Variants in ARID1A observed in about 807,000 individuals in gnomAD.
ARID1A encodes the protein AT-rich interactive domain-containing protein 1A.
Under a neutral mutation model 212.6 loss-of-function variants are expected in ARID1A, and 20 were observed. That is an observed-to-expected ratio of 0.09 (90% CI 0.07 to 0.14). The LOEUF (loss-of-function observed/expected upper bound fraction) is 0.14, where lower values mean the gene tolerates loss of function less well. ARID1A is among the 10% of genes least tolerant of loss of function. ARID1A has a pLI of 1.00. For missense variants in ARID1A, 2,587 were observed against 3,059.0 expected, an observed-to-expected ratio of 0.85 and a Z score of 3.64; for synonymous variants, 1,376 against 1,222.1, an observed-to-expected ratio of 1.13 and a Z score of -2.63.
In ARID1A at chr1:26,780,360, C is replaced by T; in HGVS notation, c.6462C>T (p.Phe2154=). 6.2e-7 allele frequency: 1 copy of T among 1,614,270 alleles called. No homozygotes were observed. The highest frequency in any genetic ancestry group is 8.5e-7 in the Non-Finnish European group (1 of 1,180,042). Residue 2154 remains phenylalanine, a synonymous_variant, in exon 20 of 20, where the codon TTC becomes TTT. Coordinates refer to ENST00000324856, the MANE Select transcript of ARID1A (RefSeq NM_006015.6). The surrounding 1 kb of genome is among the most constrained non-coding windows in gnomAD (Gnocchi z 7.2). ...LEKLYSTMVR[F]LSDRKNPVCR... Reference sequence around the variant, plus strand: ...AGTTGTATAGCACTATGGTGCGCTTCCTCAGTGACCGAAAGAACCCGGTGT... The same window carrying T: ...AGTTGTATAGCACTATGGTGCGCTTTCTCAGTGACCGAAAGAACCCGGTGT...
chr1:26,766,227 A>G lies in ARID1A; in HGVS notation c.2739A>G (p.Pro913=), dbSNP rs1339039489. 6.2e-7 allele frequency: 1 copy of G among 1,612,192 alleles called. No homozygotes were observed. The highest frequency in any genetic ancestry group is 1.3e-5 in the African/African-American group (1 of 74,830). The change falls in exon 9 of 20, where the codon CCA becomes CCG. Residue 913 remains proline (P), a synonymous_variant. Coordinates refer to ENST00000324856, the MANE Select transcript of ARID1A (RefSeq NM_006015.6). ...TTTCCATCTTCTTCCTTAGGCCGCC[A>G]GGCTACCCCAATATGAATCAAGGGG... ...VAANSIQNRP[P]GYPNMNQGGM...
intron 1 of ARID1A, chr1:26,729,329 G>A: frequency 2.7e-6 from 1 of 363,968 alleles, no homozygotes; most frequent in Non-Finnish European, 5.2e-6. Context: ...GTGCATAGCA[G>A]CACCGTCCTC....
chr1:26,748,879 T>A (rs1430156977), intron 4 of ARID1A, among the ~76,000 whole-genome samples: 1 of 151,876 alleles, frequency 6.6e-6, no homozygotes, highest in Non-Finnish European at 1.5e-5. Flanking sequence ...TTTGGAAAAC[T>A]CTCGGCCAGG....
chr1:26,720,956 A>G (rs2080558885), intron 1 of ARID1A, among the ~76,000 whole-genome samples: 1 of 151,886 alleles, frequency 6.6e-6, no homozygotes, highest in East Asian at 1.9e-4. Context: ...TGGATTGAGT[A>G]GCTGAGGAGG....
chr1:26,757,874 G>A (rs576345587), intron 4 of ARID1A, among the ~76,000 whole-genome samples: 6 of 152,016 alleles, frequency 3.9e-5, no homozygotes, highest in South Asian at 2.1e-4. Flanking sequence ...TCCTGACCTC[G>A]TAATCCGCCT....
intron 4 of ARID1A, among the ~76,000 whole-genome samples, chr1:26,755,147 T>TC (rs1176692708): frequency 2.6e-5 from 4 of 152,182 alleles, no homozygotes; most frequent in Admixed American, 2.6e-4. Context: ...ATGGTAGTAG[T>TC]ATCTATAACC....
At position 26,696,299 on chromosome 1, in the gene ARID1A, C is replaced by G. The variant is rs1278009869; in HGVS notation, c.-105C>G. ...CGGAGCCCCGCGAGGCCCGCCCGGG[C>G]GGGTGGGGAGGGCAGCCCGGGGGAC... On this transcript the variant is annotated 5_prime_UTR_variant, in exon 1 of 20. Transcript: ENST00000324856. The G allele has an allele frequency of 1.9e-6, 2 of 1,029,032 alleles. No homozygotes were observed. Among genetic ancestry groups the G allele is most frequent in the African/African-American group, 6.5e-5 (2 of 30,906 alleles). 63.7% of individuals were successfully genotyped at this position (1,029,032 alleles called of 1,614,324 possible).
At chr1:26,708,112 C>T (rs1035283090) in intron 1 of ARID1A, among the ~76,000 whole-genome samples, 5 of 151,836 alleles carry the variant, frequency 3.3e-5, no homozygotes, top group African/African-American at 7.3e-5. Context: ...TTTGGATTTC[C>T]GATGAATGGC....
intron 1 of ARID1A, among the ~76,000 whole-genome samples, chr1:26,721,661 AATG>A (rs1320563753): frequency 6.6e-6 from 1 of 152,204 alleles, no homozygotes; most frequent in Admixed American, 6.5e-5. Context: ...TTTCTCTGGA[AATG>A]ATGATAGCCA....
rs2081009390 is a variant in ARID1A at position 26,763,264 on chromosome 1, C to T, written c.2711C>T (p.Ala904Val). 1 of 1,607,920 alleles carries T rather than the reference C, an allele frequency of 6.2e-7. No homozygotes were observed. The highest frequency in any genetic ancestry group is 1.1e-5 in the South Asian group (1 of 90,588). Reference sequence around the variant, plus strand: ...GAAACTGCTGTCGCCATGCATGTTGCTGCCAACTCTATCCAAAACAGGTAA... The same window carrying T: ...GAAACTGCTGTCGCCATGCATGTTGTTGCCAACTCTATCCAAAACAGGTAA... The part of the protein sequence containing the change: ...TQETAVAMHV[A>V]ANSIQNRPPG... The change falls in exon 8 of 20, where the codon GCT becomes GTT. Residue 904 changes from alanine to valine, a missense_variant. By Grantham distance (64) the Ala-to-Val change is moderately conservative. Around this residue, in one of 11 missense-constraint regions of ARID1A, gnomAD observed 674 missense variants for 813.4 expected, o/e 0.83. Coordinates refer to ENST00000324856, the MANE Select transcript of ARID1A (RefSeq NM_006015.6).
chr1:26,726,850 C>T (rs1004249582), intron 1 of ARID1A, among the ~76,000 whole-genome samples: 1 of 152,216 alleles, frequency 6.6e-6, no homozygotes, highest in Non-Finnish European at 1.5e-5. Context: ...AGGATGCTAA[C>T]TGGATTTACA....
At chr1:26,761,328 G>C (rs777315690) in intron 5 of ARID1A, 56 bp from the exon 6 acceptor site, 43 of 1,598,408 alleles carry the variant, frequency 2.7e-5, no homozygotes, top group Non-Finnish European at 3.5e-5. Context: ...TAACTTCCTA[G>C]TTAGAATTCC....
At chr1:26,768,870 C>T (rs1157126589) in intron 11 of ARID1A, among the ~76,000 whole-genome samples, 1 of 152,132 alleles carries the variant, frequency 6.6e-6, no homozygotes, top group Admixed American at 6.5e-5. Flanking sequence ...TGTGGCTGAG[C>T]TCGGGGAGGT....
At position 26,780,781 on chromosome 1, in the gene ARID1A, C is replaced by CGT. The variant is rs1553153821; in HGVS notation, c.*35_*36dup. 11 of 1,539,860 alleles carry CGT rather than the reference C, an allele frequency of 7.1e-6. No individual in the cohort carries two copies. The Middle Eastern group carries it at 5.2e-4, about 73-fold the overall frequency. On this transcript the variant is annotated 3_prime_UTR_variant, in exon 20 of 20. Coordinates refer to ENST00000324856, the MANE Select transcript of ARID1A (RefSeq NM_006015.6). This position sits in a 1 kb window ranked among gnomAD's most constrained non-coding sequence, Gnocchi z 7.2. ...ACAGCCGTGGGACACCTCCCCCCCC[C>CGT]GTGTGTGTGTGCGTGTGTGGAGAAC...
chr1:26,707,059 T>TG (rs1344035918), intron 1 of ARID1A, among the ~76,000 whole-genome samples: 1 of 151,912 alleles, frequency 6.6e-6, no homozygotes, highest in Non-Finnish European at 1.5e-5. Context: ...GACGGAGTCT[T>TG]GCTCTGTCAC....
At position 26,767,805 on chromosome 1, in the gene ARID1A, A is replaced by G. The variant is rs2124085994; in HGVS notation, c.3004A>G (p.Thr1002Ala). Residue 1002 changes from threonine (T) to alanine (A), a missense_variant, in exon 11 of 20, where the codon ACT becomes GCT. Transcript: ENST00000324856. ...ESKSKKSSSSTTTNEKITKLY... is the reference protein window; with the variant it reads ...ESKSKKSSSSATTNEKITKLY... Reference sequence around the variant, plus strand: ...AACCTTCCAGAAATCCAGTTCTTCTACTACAACCAATGAGAAGATCACCAA... The same window carrying G: ...AACCTTCCAGAAATCCAGTTCTTCTGCTACAACCAATGAGAAGATCACCAA... The G allele has an allele frequency of 1.2e-6, 2 of 1,613,638 alleles. No individual in the cohort carries two copies. The highest frequency in any genetic ancestry group is 1.7e-6 in the Non-Finnish European group (2 of 1,179,718).
At chr1:26,757,081 A>G (rs1313117357) in intron 4 of ARID1A, among the ~76,000 whole-genome samples, 1 of 151,930 alleles carries the variant, frequency 6.6e-6, no homozygotes, top group Non-Finnish European at 1.5e-5. Context: ...AAAACAAAAC[A>G]TTTAATTTTT....
chr1:26,766,601 T>C (rs2081041804), intron 10 of ARID1A, 35 bp downstream of exon 10: 1 of 1,553,578 alleles, frequency 6.4e-7, no homozygotes, highest in African/African-American at 1.4e-5. Flanking sequence ...TTCAACTTTG[T>C]GTCCTATCTT....
intron 4 of ARID1A, among the ~76,000 whole-genome samples, chr1:26,758,260 G>A (rs992723648): frequency 4.6e-5 from 7 of 152,100 alleles, no homozygotes; most frequent in African/African-American, 1.7e-4. Flanking sequence ...TGGCTCAGAG[G>A]CTAGATGTCC....
Sources: gnomAD v4.1 joint callset for allele counts (sites outside exome capture counted in the v4.1 genomes callset) on GRCh38, gnomAD v4.1.1 for gene constraint, gnomAD v4.1.1 regional missense constraint, Gnocchi (gnomAD v3.1) non-coding constraint, MANE v1.5 for transcripts, NCBI Gene and HGNC (gene_info 2026-07-23, HGNC 2026-07-21) for gene names.